Variants in MACF1 observed in about 807,000 individuals in gnomAD.
MACF1 encodes microtubule actin crosslinking factor 1, also known as microtubule-actin cross-linking factor 1.
In MACF1, 193 loss-of-function variants were observed where a neutral mutation model predicts 854.8. The ratio of observed to expected loss-of-function variants is 0.23; its 90% CI spans 0.20 to 0.25. The LOEUF is 0.25. MACF1 is among the 10% of genes least tolerant of loss of function. The pLI is 1.00. For missense variants in MACF1, 7,722 were observed against 8,929.1 expected, an observed-to-expected ratio of 0.86 and a Z score of 5.45; for synonymous variants, 3,185 against 3,226.7, an observed-to-expected ratio of 0.99 and a Z score of 0.44.
intron 2 of MACF1, among the ~76,000 whole-genome samples, chr1:39,110,344 T>C (rs184691093): frequency 6.4e-4 from 97 of 150,594 alleles, no homozygotes; most frequent in African/African-American, 2.0e-3. Flanking sequence ...TCAAGTGATC[T>C]TCCTACCTCA....
At position 39,337,280 on chromosome 1, in the gene MACF1, A is replaced by C. The variant is rs774954060; in HGVS notation, c.10164A>C (p.Gln3388His). The change falls in exon 38 of 101, where the codon CAA becomes CAC. Residue 3388 changes from glutamine (Q) to histidine (H), a missense_variant. Around this residue, in one of 15 missense-constraint regions of MACF1, gnomAD observed 854 missense variants for 852.6 expected, o/e 1.00. Coordinates refer to ENST00000564288, the MANE Select transcript of MACF1 (RefSeq NM_001394062.1). ...TTGAAATGAGGACCAAACAGATTCA[A>C]CCTTTGGAGCTAAACCTGGCAGAAC... ...RNIEMRTKQI[Q>H]PLELNLAELQ... The C allele has an allele frequency of 3.2e-5, 51 of 1,613,996 alleles. No individual in the cohort carries two copies. Among genetic ancestry groups the C allele is most frequent in the African/African-American group, 5.3e-5 (4 of 74,920 alleles).
At position 39,332,669 on chromosome 1, in the gene MACF1, C is replaced by T. The variant is rs1646748082; in HGVS notation, c.6081C>T (p.Ile2027=). The change falls in exon 37 of 101, where the codon ATC becomes ATT. Residue 2027 remains isoleucine (I), a synonymous_variant. Coordinates refer to ENST00000564288, the MANE Select transcript of MACF1 (RefSeq NM_001394062.1). ...EGLQESANVK[I]SGTFSSGWTV... The stretch of plus-strand genomic sequence containing the variant: ...TGCAAGAATCAGCTAATGTGAAAAT[C>T]TCAGGAACTTTCAGCAGTGGGTGGA... 1 of 1,614,010 alleles carries T rather than the reference C, an allele frequency of 6.2e-7. No individual in the cohort carries two copies.
intron 51 of MACF1, among the ~76,000 whole-genome samples, chr1:39,371,421 T>TC (rs1044164532): frequency 6.6e-6 from 1 of 152,044 alleles, no homozygotes; most frequent in Non-Finnish European, 1.5e-5. Context: ...TCTGTGCCTT[T>TC]CTCTGCAGCT....
intron 58 of MACF1, among the ~76,000 whole-genome samples, chr1:39,403,837 T>TGGG (rs202180229): frequency 1.6e-5 from 2 of 122,280 alleles, no homozygotes; most frequent in African/African-American, 8.6e-5. Context: ...TAAAAATTTT[T>TGGG]GGGCGGGGGG....
At chr1:39,093,447 C>A (rs890801062) in intron 2 of MACF1, among the ~76,000 whole-genome samples, 2 of 149,096 alleles carry the variant, frequency 1.3e-5, no homozygotes, top group African/African-American at 5.0e-5. Flanking sequence ...TTCTGAGTAG[C>A]TGGAATAACA....
intron 2 of MACF1, among the ~76,000 whole-genome samples, chr1:39,178,717 A>C (rs1203369764): frequency 6.6e-6 from 1 of 152,176 alleles, no homozygotes; most frequent in Non-Finnish European, 1.5e-5. Flanking sequence ...GACCCTCAGG[A>C]GTGAAATTCT....
At chr1:39,414,214 G>A (rs373100857) in intron 58 of MACF1, 4 of 1,613,818 alleles carry the variant, frequency 2.5e-6, no homozygotes, top group African/African-American at 2.7e-5. Context: ...GCCCACCCCA[G>A]AGGTGCCTGC....
intron 2 of MACF1, among the ~76,000 whole-genome samples, chr1:39,190,379 G>A (rs546744215): frequency 8.8e-6 from 1 of 113,340 alleles, no homozygotes; most frequent in South Asian, 3.4e-4. Context: ...TTGTGTGTGT[G>A]TGTGTGTGTG....
At chr1:39,316,365 G>T in intron 27 of MACF1, 26 bp from the exon 28 acceptor site, 1 of 1,580,314 alleles carries the variant, frequency 6.3e-7, no homozygotes, top group Non-Finnish European at 8.6e-7. Flanking sequence ...ATGTGTTAAT[G>T]AAGGAATGTG....
At chr1:39,311,917 A>AT (rs761151447) in intron 26 of MACF1, among the ~76,000 whole-genome samples, 1 of 152,012 alleles carries the variant, frequency 6.6e-6, no homozygotes, top group South Asian at 2.1e-4. Context: ...CTAACTTTCT[A>AT]TTTTTTCCCC....
chr1:39,162,087 G>A (rs763735909), intron 2 of MACF1, among the ~76,000 whole-genome samples: 57 of 150,806 alleles, frequency 3.8e-4, no homozygotes, highest in Non-Finnish European at 4.9e-4. Flanking sequence ...TGCAATCTCC[G>A]CCTCCCGGGT....
At chr1:39,254,877 A>G (rs1290932019) in intron 5 of MACF1, among the ~76,000 whole-genome samples, 1 of 152,170 alleles carries the variant, frequency 6.6e-6, no homozygotes, top group Non-Finnish European at 1.5e-5. Flanking sequence ...GTAGAGCTAG[A>G]TATAGGAAGG....
chr1:39,277,281 GTA>G (rs1228263102), intron 6 of MACF1, among the ~76,000 whole-genome samples: 1 of 151,996 alleles, frequency 6.6e-6, no homozygotes, highest in Non-Finnish European at 1.5e-5. Context: ...AAAGTAGACA[GTA>G]TTTTCTAGAA....
At chr1:39,326,360 A>G (rs918948262) in intron 35 of MACF1, among the ~76,000 whole-genome samples, 2 of 152,204 alleles carry the variant, frequency 1.3e-5, no homozygotes, top group Non-Finnish European at 2.9e-5. Context: ...GGCTTTAATT[A>G]TATCTGTAAT....
In MACF1 at chr1:39,361,460, T is replaced by A; in HGVS notation, c.12554T>A (p.Val4185Glu). ...ACAGCAGACAGTACTACAGCAGCAG[T>A]GCTGCAGGGCAAACTGGCAGAGGTG... ...METADSTTAA[V>E]LQGKLAEVSQ... Residue 4185 changes from valine (V) to glutamate (E), a missense_variant, in exon 49 of 101, where the codon GTG becomes GAG. By Grantham distance (121) the Val-to-Glu change is moderately radical. Transcript: ENST00000564288. 6.2e-7 allele frequency: 1 copy of A among 1,614,144 alleles called. No individual in the cohort carries two copies. Among genetic ancestry groups the A allele is most frequent in the Non-Finnish European group, 8.5e-7 (1 of 1,180,020 alleles).
At chr1:39,183,135 T>C (rs552078735) in intron 2 of MACF1, among the ~76,000 whole-genome samples, 1 of 152,298 alleles carries the variant, frequency 6.6e-6, no homozygotes, top group African/African-American at 2.4e-5. Context: ...ATACCATTTA[T>C]ACATAATAGG....
Position 39,441,507 on chromosome 1 carries a change from T to G in MACF1, c.18672+182T>G, listed in dbSNP as rs536884197. ...AGTGAAAAAAGTAGCGACATCTGTC[T>G]GAATTCTTACTCTTCCTGCCATGTT... On this transcript the variant is annotated intron_variant, in intron 74 of 100. Transcript: ENST00000564288. Among the ~76,000 whole-genome samples the G allele has an allele frequency of 5.7e-3, 875 of 152,360 alleles. 4 individuals are homozygous for G. Among genetic ancestry groups the G allele is most frequent in the Middle Eastern group, 0.014 (4 of 294 alleles).
chr1:39,393,024 TCTCTTCAGGAAA>T (rs1642094902), intron 58 of MACF1, among the ~76,000 whole-genome samples: 2 of 151,618 alleles, frequency 1.3e-5, no homozygotes, highest in Non-Finnish European at 2.9e-5. Flanking sequence ...CTTTGGCAAA[TCTCTTCAGGAAA>T]TTCCGTTTTC....
At chr1:39,303,328 T>C (rs61783376) in intron 23 of MACF1, among the ~76,000 whole-genome samples, 24,431 of 152,184 alleles carry the variant, frequency 0.16, 2,439 homozygotes, top group Middle Eastern at 0.22. Flanking sequence ...ATAAATAGTT[T>C]ACTCTCAGAA....
Sources: allele counts gnomAD v4.1 joint callset (sites outside exome capture counted in the v4.1 genomes callset), GRCh38; gene constraint gnomAD v4.1.1; regional missense constraint gnomAD v4.1.1; transcripts MANE v1.5; gene names NCBI Gene and HGNC (gene_info 2026-07-23, HGNC 2026-07-21).